BRMS1L: variants seen among roughly 807,000 people sequenced by gnomAD.
The protein encoded by BRMS1L is breast cancer metastasis-suppressor 1-like protein.
BRMS1L carries 23 observed loss-of-function variants against 50.3 expected under a neutral mutation model. That is an observed-to-expected ratio of 0.46 (90% CI 0.33 to 0.65). The LOEUF is 0.65. BRMS1L is among the 30% of genes least tolerant of loss of function. The probability of loss-of-function intolerance (pLI) is 0.02; values close to 1 mark genes in which losing one functional copy is unlikely to be tolerated. For synonymous variants in BRMS1L, 114 were observed against 126.9 expected (o/e 0.90, Z 0.69); for missense variants, 286 against 386.1 (o/e 0.74, Z 2.17).
chr14:35,866,715 C>T (rs76589287), intron 8 of BRMS1L, among the ~76,000 whole-genome samples: 173 of 152,178 alleles, frequency 1.1e-3, no homozygotes, highest in African/African-American at 4.0e-3. Flanking sequence ...AAAAAAATTG[C>T]ATTTTATTTT....
At chr14:35,855,963 T>C (rs2078274274) in intron 4 of BRMS1L, among the ~76,000 whole-genome samples, 1 of 152,216 alleles carries the variant, frequency 6.6e-6, no homozygotes, top group African/African-American at 2.4e-5. Flanking sequence ...TCCTTTGATC[T>C]TTCTACCCAT....
At chr14:35,853,467 G>GCAGT (rs1327575713) in intron 4 of BRMS1L, among the ~76,000 whole-genome samples, 1 of 152,088 alleles carries the variant, frequency 6.6e-6, no homozygotes, top group African/African-American at 2.4e-5. Flanking sequence ...CAGCTGGAGT[G>GCAGT]CAGTGGTGTG....
intron 4 of BRMS1L, among the ~76,000 whole-genome samples, chr14:35,840,368 A>G (rs1010925258): frequency 2.0e-5 from 3 of 152,172 alleles, no homozygotes; most frequent in African/African-American, 7.2e-5. Context: ...TGGTATCAGG[A>G]TGATACTGGC....
At chr14:35,839,381 A>G (rs1595663609) in intron 4 of BRMS1L, among the ~76,000 whole-genome samples, 1 of 152,274 alleles carries the variant, frequency 6.6e-6, no homozygotes, top group East Asian at 1.9e-4. Flanking sequence ...TATGAAATTT[A>G]AAGTATTTTT....
At chr14:35,847,384 C>T (rs974358332) in intron 4 of BRMS1L, among the ~76,000 whole-genome samples, 4 of 152,068 alleles carry the variant, frequency 2.6e-5, no homozygotes, top group Non-Finnish European at 5.9e-5. Context: ...TCACTGAAGC[C>T]ACAAACTCGA....
chr14:35,839,246 C>G (rs553418637), intron 4 of BRMS1L, among the ~76,000 whole-genome samples: 200 of 152,268 alleles, frequency 1.3e-3, no homozygotes, highest in African/African-American at 4.6e-3. Context: ...GTTTTGGTAC[C>G]AGTACCATGC....
chr14:35,842,523 T>A (rs2078080165), intron 4 of BRMS1L, among the ~76,000 whole-genome samples: 1 of 152,190 alleles, frequency 6.6e-6, no homozygotes, highest in Non-Finnish European at 1.5e-5. Context: ...ATTCTGGCCT[T>A]TAGGGTTTCT....
At chr14:35,839,113 T>C (rs1334125341) in intron 4 of BRMS1L, among the ~76,000 whole-genome samples, 1 of 152,222 alleles carries the variant, frequency 6.6e-6, no homozygotes, top group Non-Finnish European at 1.5e-5. Flanking sequence ...CCCAACACCA[T>C]TTATTAAATA....
In BRMS1L at chr14:35,830,103, C is replaced by T. The variant is rs564407992; in HGVS notation, c.143-1307C>T. Among the ~76,000 whole-genome samples the T allele has an allele frequency of 8.0e-4, 121 of 152,100 alleles. 2 individuals are homozygous for T. Among genetic ancestry groups the T allele is most frequent in the Non-Finnish European group, 1.3e-3 (91 of 68,004 alleles). ...CCTTTTTTTGAGATGGAGTTTCGCT[C>T]TTGTTGCCCAGGCTAGAGTGCAATG... On this transcript the variant is annotated intron_variant, in intron 1 of 9. Transcript: ENST00000216807.
intron 1 of BRMS1L, among the ~76,000 whole-genome samples, chr14:35,829,385 C>T (rs1273567454): frequency 3.3e-5 from 5 of 152,104 alleles, no homozygotes; most frequent in African/African-American, 1.2e-4. Context: ...TGATTTTTAA[C>T]TTTTAAAAAT....
Position 35,826,434 on chromosome 14 carries a change from T to C in BRMS1L, c.-83T>C, listed in dbSNP as rs1430036107. On this transcript the variant is annotated 5_prime_UTR_variant, in exon 1 of 10. Coordinates refer to ENST00000216807, the MANE Select transcript of BRMS1L (RefSeq NM_032352.4). ...CGAGCAAGCTCGGTGGCTGGGTGGG[T>C]TGGGGCGTTCCGCGCGCCCTTCATT... is the stretch of plus-strand genomic sequence containing the variant. 6.5e-7 allele frequency: 1 copy of C among 1,538,456 alleles called. No individual in the cohort carries two copies. Among genetic ancestry groups the C allele is most frequent in the Admixed American group, 2.0e-5 (1 of 50,652 alleles).
intron 4 of BRMS1L, among the ~76,000 whole-genome samples, chr14:35,844,378 CAG>C (rs1029072947): frequency 1.3e-5 from 2 of 152,294 alleles, no homozygotes; most frequent in Admixed American, 6.5e-5. Flanking sequence ...AGCGTAGTAT[CAG>C]GGGCAGAATG....
At position 35,870,696 on chromosome 14, in the gene BRMS1L, C is replaced by T. The variant is rs920002058; in HGVS notation, c.*219C>T. ...CTTACGTTGATTTGCCTCTTAGGTC[C>T]GATGACCAATAGGTATTCTGTATAT... On this transcript the variant is annotated 3_prime_UTR_variant, in exon 10 of 10. Coordinates refer to ENST00000216807, the MANE Select transcript of BRMS1L (RefSeq NM_032352.4). 3.3e-5 allele frequency: 9 copies of T among 276,804 alleles called. No individual in the cohort carries two copies. Among genetic ancestry groups the T allele is most frequent in the East Asian group, 7.6e-5 (1 of 13,088 alleles). The allele number at this position is 276,804 out of a possible 1,614,324, so 17.1% of individuals were successfully genotyped here. A position where few individuals can be genotyped will look rare whatever the true frequency, so the allele number is the denominator to read the frequency against.
chr14:35,853,399 TAATG>T (rs1478406112), intron 4 of BRMS1L, among the ~76,000 whole-genome samples: 1 of 151,294 alleles, frequency 6.6e-6, no homozygotes, highest in Non-Finnish European at 1.5e-5. Flanking sequence ...ATGATGATGT[TAATG>T]ATGATGATGA....
chr14:35,845,453 C>G (rs1043879580), intron 4 of BRMS1L, among the ~76,000 whole-genome samples: 4 of 152,114 alleles, frequency 2.6e-5, no homozygotes, highest in African/African-American at 4.8e-5. Flanking sequence ...TTGTCTGCAT[C>G]TATTGAATTA....
chr14:35,862,729 C>A, intron 5 of BRMS1L, 43 bp downstream of exon 5: 1 of 1,417,690 alleles, frequency 7.1e-7, no homozygotes, highest in South Asian at 1.2e-5. Context: ...TGGCACCAGA[C>A]CTTTGGTTTA....
intron 4 of BRMS1L, among the ~76,000 whole-genome samples, chr14:35,855,919 A>G (rs964462855): frequency 1.8e-4 from 28 of 152,248 alleles, no homozygotes; most frequent in African/African-American, 6.5e-4. Context: ...GCTCAGGGTC[A>G]CACAATTAAT....
intron 5 of BRMS1L, among the ~76,000 whole-genome samples, chr14:35,862,939 A>G (rs546779114): frequency 2.0e-5 from 3 of 152,168 alleles, no homozygotes; most frequent in Non-Finnish European, 4.4e-5. Context: ...ACCTACTGGC[A>G]GAATAGTGTC....
At chr14:35,862,070 T>G (rs2078359264) in intron 4 of BRMS1L, among the ~76,000 whole-genome samples, 1 of 151,876 alleles carries the variant, frequency 6.6e-6, no homozygotes, top group African/African-American at 2.4e-5. Context: ...GTCTGTAATT[T>G]TATAATTTAG....
Sources: allele counts gnomAD v4.1 joint callset (sites outside exome capture counted in the v4.1 genomes callset), GRCh38; gene constraint gnomAD v4.1.1; transcripts MANE v1.5; gene names NCBI Gene and HGNC (gene_info 2026-07-23, HGNC 2026-07-21).